Variants in PDE4A observed in about 807,000 individuals in gnomAD.
The protein encoded by PDE4A is phosphodiesterase 4A.
Under a neutral mutation model 73.9 loss-of-function variants are expected in PDE4A, and 21 were observed. That is an observed-to-expected ratio of 0.28 (90% CI 0.20 to 0.41). The LOEUF (loss-of-function observed/expected upper bound fraction) is 0.41. Among genes scored for constraint, PDE4A ranks in the 10% least tolerant of loss-of-function variants. PDE4A has a pLI of 1.00. For synonymous variants in PDE4A, 463 were observed against 505.4 expected, an observed-to-expected ratio of 0.92 and a Z score of 1.13; for missense variants, 958 against 1,211.4, an observed-to-expected ratio of 0.79 and a Z score of 3.10.
Position 10,450,905 on chromosome 19 carries a change from G to A in PDE4A, c.747G>A (p.Gln249=). The change falls in exon 6 of 15, where the codon CAG becomes CAA. Residue 249 remains glutamine (Q), a synonymous_variant. Coordinates refer to ENST00000380702, the MANE Select transcript of PDE4A (RefSeq NM_001111307.2). ...DWCLEQLETM[Q]TYRSVSEMAS... ...GTCTGGAGCAGCTGGAGACCATGCA[G>A]ACCTATCGCTCTGTCAGCGAGATGG... 6.2e-7 allele frequency: 1 copy of A among 1,610,000 alleles called. No homozygotes were observed. The highest frequency in any genetic ancestry group is 8.5e-7 in the Non-Finnish European group (1 of 1,178,280).
intron 12 of PDE4A, 46 bp from the exon 13 acceptor site, chr19:10,461,831 T>TG (rs755913384): frequency 2.5e-6 from 4 of 1,600,572 alleles, no homozygotes; most frequent in African/African-American, 1.3e-5. Context: ...CGGGTCAGTC[T>TG]GGGGGGCGGG....
intron 1 of PDE4A, among the ~76,000 whole-genome samples, chr19:10,435,400 TA>T (rs112359394): frequency 4.1e-5 from 6 of 148,014 alleles, no homozygotes; most frequent in South Asian, 2.1e-4. Flanking sequence ...CATTTCTGCT[TA>T]AAAAAAAAAA....
chr19:10,452,967 C>A, intron 6 of PDE4A: 2 of 1,214,426 alleles, frequency 1.6e-6, no homozygotes, highest in South Asian at 4.7e-5. Flanking sequence ...TCCGCAGCCT[C>A]CTCCTGGGAC....
chr19:10,448,847 C>G, intron 2 of PDE4A, 70 bp from the exon 3 acceptor site: 1 of 1,606,410 alleles, frequency 6.2e-7, no homozygotes, highest in Non-Finnish European at 8.5e-7. Flanking sequence ...TGGGTCCAGC[C>G]TCACAGGGCA....
chr19:10,436,895 C>T (rs1156320936), intron 1 of PDE4A, among the ~76,000 whole-genome samples: 2 of 152,046 alleles, frequency 1.3e-5, no homozygotes, highest in East Asian at 3.9e-4. Flanking sequence ...AAAAATTAGC[C>T]AGGTGTAGTG....
chr19:10,467,652 C>G lies in PDE4A; in HGVS notation c.*31C>G, dbSNP rs1409178891. ...AGACCTCTGTCCCTGTTCCCCTCCA[C>G]TCCTCCCCTCACTCCCCTGCTCCCC... On this transcript the variant is annotated 3_prime_UTR_variant, in exon 15 of 15. Coordinates refer to ENST00000380702, the MANE Select transcript of PDE4A (RefSeq NM_001111307.2). 3 of 1,483,386 alleles carry G rather than the reference C, an allele frequency of 2.0e-6. No homozygotes were observed. The Admixed American group carries it at 6.5e-5, about 32-fold the overall frequency. The allele number at this position is 1,483,386 out of a possible 1,614,324, so 91.9% of individuals were successfully genotyped here.
At chr19:10,432,536 G>A in intron 1 of PDE4A, 1 of 1,525,618 alleles carries the variant, frequency 6.6e-7, no homozygotes, top group East Asian at 2.7e-5. Flanking sequence ...TCAGCGATGA[G>A]GACACCCGTC....
chr19:10,440,096 TG>T (rs1449740084), intron 1 of PDE4A, among the ~76,000 whole-genome samples: 27 of 148,562 alleles, frequency 1.8e-4, no homozygotes, highest in African/African-American at 6.7e-4. Flanking sequence ...GCAATTCTCC[TG>T]CCTCAGCCTC....
At chr19:10,417,573 A>T, upstream of PDE4A, 1 of 1,481,286 alleles carries the variant, frequency 6.8e-7, no homozygotes, top group Non-Finnish European at 9.0e-7. Context: ...CTACTCCCTT[A>T]GACAGCTAGG....
upstream of PDE4A, chr19:10,417,069 T>C (rs1433081123): frequency 6.7e-7 from 1 of 1,497,832 alleles, no homozygotes; most frequent in African/African-American, 1.4e-5. Context: ...ACCACGGCTA[T>C]TTCCTGAACG....
Position 10,467,034 on chromosome 19 carries a change from G to A in PDE4A, c.2074G>A (p.Glu692Lys), listed in dbSNP as rs139163380. The A allele has an allele frequency of 1.2e-4, 199 of 1,614,132 alleles. 1 individual carries two copies. Among genetic ancestry groups the A allele is most frequent in the South Asian group, 4.0e-4 (36 of 91,086 alleles). ...AIRQSPSPPP[E>K]EESRGPGHPP... ...CCGGCAGAGCCCATCTCCGCCACCC[G>A]AGGAGGAGTCAAGGGGGCCAGGCCA... Residue 692 changes from glutamate (E) to lysine (K), a missense_variant, in exon 15 of 15, where the codon GAG (glutamate) becomes AAG (lysine). Physicochemically the swap from Glu to Lys is moderately conservative, Grantham distance 56. Around this residue, in one of 3 missense-constraint regions of PDE4A, gnomAD observed 570 missense variants for 827.7 expected, o/e 0.69. Coordinates refer to ENST00000380702, the MANE Select transcript of PDE4A (RefSeq NM_001111307.2).
intron 5 of PDE4A, 25 bp from the exon 6 acceptor site, chr19:10,450,804 A>G (rs1211668941): frequency 2.5e-6 from 4 of 1,591,100 alleles, no homozygotes; most frequent in Non-Finnish European, 2.6e-6. Context: ...CTTCTCAGTC[A>G]CTACCCTGGC....
upstream of PDE4A, chr19:10,419,059 T>C: frequency 2.9e-6 from 2 of 682,008 alleles, no homozygotes; most frequent in Non-Finnish European, 1.7e-6. Context: ...CGGCAGTCTT[T>C]TTTTTTTTTT....
rs1239377419 is a variant in PDE4A, at chr19:10,459,380, C to T, written c.1102-20C>T. On this transcript the variant is annotated intron_variant, in intron 8 of 14. Transcript: ENST00000380702. ...CCTGAGCCTTACAGGCTTCTGACCTCTGGCCTCCGTCTCCACCAGGAACTG... is the reference window on the plus strand; with the variant it reads ...CCTGAGCCTTACAGGCTTCTGACCTTTGGCCTCCGTCTCCACCAGGAACTG... The T allele has an allele frequency of 6.2e-7, 1 of 1,614,120 alleles. No individual in the cohort carries two copies. The highest frequency in any genetic ancestry group is 1.3e-5 in the African/African-American group (1 of 74,940).
chr19:10,459,635 C>T lies in PDE4A; in HGVS notation c.1241C>T (p.Thr414Met), dbSNP rs777046337. The change falls in exon 10 of 15, where the codon ACG (threonine) becomes ATG (methionine). Residue 414 changes from threonine to methionine, a missense_variant. Transcript: ENST00000380702. ...LLKKFRIPVD[T>M]MVTYMLTLED... ...AAGAAATTCCGCATCCCTGTGGACACGATGGTGACATACATGCTGACGCTG... is the reference window on the plus strand; with the variant it reads ...AAGAAATTCCGCATCCCTGTGGACATGATGGTGACATACATGCTGACGCTG... 6 of 1,614,222 alleles carry T rather than the reference C, an allele frequency of 3.7e-6. No individual in the cohort carries two copies. Among genetic ancestry groups the T allele is most frequent in the South Asian group, 1.1e-5 (1 of 91,088 alleles).
Position 10,468,226 on chromosome 19 carries a change from T to C in PDE4A, c.*605T>C, listed in dbSNP as rs1568389194. 1 of 152,486 alleles carries C rather than the reference T, an allele frequency of 6.6e-6. No homozygotes were observed. Among genetic ancestry groups the C allele is most frequent in the Non-Finnish European group, 1.5e-5 (1 of 68,036 alleles). 9.4% of individuals were successfully genotyped at this position (152,486 alleles called of 1,614,324 possible). On this transcript the variant is annotated 3_prime_UTR_variant, in exon 15 of 15. Transcript: ENST00000380702. ...CTGGTTTGCTGCCTCCTCTCCCCTC[T>C]AAAAAAGTCTTCCGCTTGATTTTGC... is the stretch of plus-strand genomic sequence containing the variant.
intron 1 of PDE4A, among the ~76,000 whole-genome samples, chr19:10,441,681 G>GTTTTTTTTTTTTTTTT (rs1200442230): frequency 7.6e-6 from 1 of 131,744 alleles, no homozygotes. Flanking sequence ...GTCATTTTGA[G>GTTTTTTTTTTTTTTTT]TTATTTTTTT....
intron 7 of PDE4A, among the ~76,000 whole-genome samples, chr19:10,456,503 G>C (rs2145564366): frequency 6.6e-6 from 1 of 151,548 alleles, no homozygotes; most frequent in South Asian, 2.1e-4. Context: ...TCCAGCCTGG[G>C]TGACAGAGTG....
At chr19:10,464,524 T>C in intron 14 of PDE4A, 1 of 442,486 alleles carries the variant, frequency 2.3e-6, no homozygotes, top group Admixed American at 2.5e-5. Flanking sequence ...TCAAGCGATC[T>C]TCCTGCCTCA....
Sources: allele counts gnomAD v4.1 joint callset (sites outside exome capture counted in the v4.1 genomes callset), GRCh38; gene constraint gnomAD v4.1.1; regional missense constraint gnomAD v4.1.1; transcripts MANE v1.5; gene names NCBI Gene and HGNC (gene_info 2026-07-23, HGNC 2026-07-21).